The following MGLL variants were observed in gnomAD, a reference collection of about 807,000 sequenced individuals.
MGLL encodes the protein monoglyceride lipase.
MGLL carries 7 observed loss-of-function variants against 29.1 expected under a neutral mutation model. That is an observed-to-expected ratio of 0.24 (90% CI 0.14 to 0.45). The LOEUF (loss-of-function observed/expected upper bound fraction) is 0.45. MGLL is among the 20% of genes least tolerant of loss of function. The pLI is 0.99. For missense variants in MGLL, 356 were observed against 413.6 expected (o/e 0.86, Z 1.21); for synonymous variants, 148 against 168.3 (o/e 0.88, Z 0.93).
At chr3:127,722,133 G>A (rs2107624310) in intron 4 of MGLL, among the ~76,000 whole-genome samples, 1 of 152,338 alleles carries the variant, frequency 6.6e-6, no homozygotes, top group East Asian at 1.9e-4. Context: ...CCCCCTCCAA[G>A]AAGTGGCTCT....
chr3:127,765,255 G>A (rs538205660), intron 3 of MGLL, among the ~76,000 whole-genome samples: 64 of 152,212 alleles, frequency 4.2e-4, no homozygotes, highest in African/African-American at 1.4e-3. Context: ...CTTCAGAAAC[G>A]GCTTCTTCTG....
chr3:127,740,654 A>C (rs1444731267), intron 3 of MGLL, among the ~76,000 whole-genome samples: 4 of 152,104 alleles, frequency 2.6e-5, no homozygotes. Context: ...GAGTCACGTA[A>C]ACTTCAGGAT....
In MGLL at chr3:127,692,112, T is replaced by C. The variant is rs889486732; in HGVS notation, c.*86A>G. ...ATTTCTGATTTTTTTTTTTTTTTTT[T>C]TTTGGCAAGCCATATCTGAGAAGCC... is the stretch of plus-strand genomic sequence containing the variant. On this transcript the variant is annotated 3_prime_UTR_variant, in exon 8 of 8. Transcript: ENST00000265052. 99 of 939,448 alleles carry C rather than the reference T, an allele frequency of 1.1e-4. No homozygotes were observed. The South Asian group carries it at 1.5e-3, about 14-fold the overall frequency. 58.2% of individuals were successfully genotyped at this position (939,448 alleles called of 1,614,324 possible).
chr3:127,780,091 G>C (rs940491279), intron 3 of MGLL, among the ~76,000 whole-genome samples: 3 of 152,196 alleles, frequency 2.0e-5, no homozygotes, highest in South Asian at 2.1e-4. Context: ...CTCAACTCTA[G>C]ATGTTATTCT....
intron 3 of MGLL, among the ~76,000 whole-genome samples, chr3:127,753,170 A>G (rs1352904623): frequency 3.9e-5 from 6 of 152,232 alleles, no homozygotes; most frequent in Non-Finnish European, 8.8e-5. Context: ...AGAAGTAACG[A>G]CACAGGGAAG....
intron 6 of MGLL, among the ~76,000 whole-genome samples, chr3:127,699,541 A>G (rs1164348290): frequency 1.3e-5 from 2 of 152,164 alleles, no homozygotes; most frequent in East Asian, 3.9e-4. Flanking sequence ...CTTTTTACAT[A>G]TGAGGAGACA....
At chr3:127,816,841 G>C (rs1394638612) in intron 2 of MGLL, among the ~76,000 whole-genome samples, 2 of 152,220 alleles carry the variant, frequency 1.3e-5, no homozygotes, top group Non-Finnish European at 2.9e-5. Flanking sequence ...CTGTCTTATT[G>C]GTTCTAGATC....
intron 3 of MGLL, among the ~76,000 whole-genome samples, chr3:127,751,934 T>A (rs528276136): frequency 2.0e-5 from 3 of 152,190 alleles, no homozygotes; most frequent in African/African-American, 7.2e-5. Flanking sequence ...AAGCCGTGAA[T>A]GATGCTTGGT....
chr3:127,798,434 G>T (rs1363490646), intron 2 of MGLL, among the ~76,000 whole-genome samples: 1 of 152,176 alleles, frequency 6.6e-6, no homozygotes, highest in South Asian at 2.1e-4. Context: ...CCAGGGCCCT[G>T]TTCTTGCCTC....
rs569827257 is a variant in MGLL, at chr3:127,745,638, G to A, written c.263-23072C>T. Reference sequence around the variant, plus strand: ...CTAAAATCCCAGACTTCACCACCACGCAATATATCCATGTAACAAAGCTGC... The same window carrying A: ...CTAAAATCCCAGACTTCACCACCACACAATATATCCATGTAACAAAGCTGC... On this transcript the variant is annotated intron_variant, in intron 3 of 7. Coordinates refer to ENST00000265052, the MANE Select transcript of MGLL (RefSeq NM_007283.7). 1.1e-4 allele frequency among the ~76,000 whole-genome samples: 17 copies of A among 152,208 alleles called. No homozygotes were observed. In the South Asian group the frequency reaches 2.9e-3, roughly 26 times the overall value.
At chr3:127,785,711 T>C (rs949908035) in intron 2 of MGLL, among the ~76,000 whole-genome samples, 2 of 152,258 alleles carry the variant, frequency 1.3e-5, no homozygotes, top group Non-Finnish European at 2.9e-5. Flanking sequence ...CCTACTTTTC[T>C]TCAGCCGAGT....
chr3:127,731,421 T>A (rs1375956855), intron 3 of MGLL, among the ~76,000 whole-genome samples: 2 of 151,862 alleles, frequency 1.3e-5, no homozygotes, highest in Non-Finnish European at 2.9e-5. Flanking sequence ...TAGTTTTGTG[T>A]CTCTATGTAT....
chr3:127,816,918 T>C (rs566833155), intron 2 of MGLL, among the ~76,000 whole-genome samples: 1 of 152,350 alleles, frequency 6.6e-6, no homozygotes, highest in East Asian at 1.9e-4. Flanking sequence ...TCTCCCTTGC[T>C]AGTCCATCCA....
At chr3:127,750,980 G>A (rs1459205946) in intron 3 of MGLL, among the ~76,000 whole-genome samples, 1 of 152,192 alleles carries the variant, frequency 6.6e-6, no homozygotes, top group Non-Finnish European at 1.5e-5. Flanking sequence ...TGAATGAGCT[G>A]AGTGTGTGGA....
At chr3:127,772,657 G>T (rs1260049373) in intron 3 of MGLL, among the ~76,000 whole-genome samples, 1 of 152,182 alleles carries the variant, frequency 6.6e-6, no homozygotes, top group Non-Finnish European at 1.5e-5. Flanking sequence ...TTTGCAGGGG[G>T]GCTGTGTATG....
chr3:127,752,000 T>C (rs141111505), intron 3 of MGLL, among the ~76,000 whole-genome samples: 5 of 152,218 alleles, frequency 3.3e-5, no homozygotes, highest in African/African-American at 1.2e-4. Context: ...ACAAAATACA[T>C]GTACGCAGTC....
chr3:127,759,682 C>T (rs1576558858), intron 3 of MGLL, among the ~76,000 whole-genome samples: 1 of 152,214 alleles, frequency 6.6e-6, no homozygotes, highest in African/African-American at 2.4e-5. Context: ...TTCAGAGACT[C>T]TTGGTTCTCG....
intron 3 of MGLL, among the ~76,000 whole-genome samples, chr3:127,774,885 C>T (rs1171662455): frequency 3.9e-5 from 6 of 152,220 alleles, no homozygotes; most frequent in South Asian, 4.1e-4. Flanking sequence ...TTCATCTCCA[C>T]GGCCACAGAG....
intron 3 of MGLL, among the ~76,000 whole-genome samples, chr3:127,750,573 G>A (rs751426623): frequency 6.6e-6 from 1 of 152,090 alleles, no homozygotes; most frequent in Non-Finnish European, 1.5e-5. Flanking sequence ...GGGAACAGAT[G>A]TCCATTCTGT....
Sources: gnomAD v4.1 joint callset for allele counts (sites outside exome capture counted in the v4.1 genomes callset) on GRCh38, gnomAD v4.1.1 for gene constraint, MANE v1.5 for transcripts, NCBI Gene and HGNC (gene_info 2026-07-23, HGNC 2026-07-21) for gene names.